The following SH3GL2 variants were observed in gnomAD, a reference collection of about 807,000 sequenced individuals.
SH3GL2 encodes the protein endophilin-A1.
A neutral mutation model predicts 46.0 loss-of-function variants in SH3GL2; 24 were observed. That is an observed-to-expected ratio of 0.52 (90% CI 0.38 to 0.73). SH3GL2 has a LOEUF of 0.73. SH3GL2 is among the 30% of genes least tolerant of loss of function. SH3GL2 has a pLI of 0.00. For missense variants in SH3GL2, 413 were observed against 424.2 expected, an observed-to-expected ratio of 0.97 and a Z score of 0.23; for synonymous variants, 196 against 147.1, an observed-to-expected ratio of 1.33 and a Z score of -2.40.
intron 1 of SH3GL2, among the ~76,000 whole-genome samples, chr9:17,641,753 C>T (rs900853578): frequency 6.6e-5 from 10 of 152,154 alleles, no homozygotes; most frequent in Non-Finnish European, 1.2e-4. Flanking sequence ...ATCCATGTCC[C>T]TGCAAAGGAT....
intron 1 of SH3GL2, among the ~76,000 whole-genome samples, chr9:17,587,148 G>T (rs1284258711): frequency 6.6e-6 from 1 of 152,178 alleles, no homozygotes; most frequent in Non-Finnish European, 1.5e-5. Context: ...GCTACAGTGA[G>T]CCAAGATCAC....
At chr9:17,654,442 A>G (rs988818211) in intron 1 of SH3GL2, among the ~76,000 whole-genome samples, 2 of 152,200 alleles carry the variant, frequency 1.3e-5, no homozygotes, top group African/African-American at 2.4e-5. Flanking sequence ...AAATGTAGCC[A>G]TAGATATGAA....
At chr9:17,749,315 T>C (rs1420976144) in intron 2 of SH3GL2, among the ~76,000 whole-genome samples, 1 of 152,204 alleles carries the variant, frequency 6.6e-6, no homozygotes, top group Non-Finnish European at 1.5e-5. Flanking sequence ...TTTCCAGAAA[T>C]GTCTTGTCTT....
At chr9:17,641,150 T>C (rs553717174) in intron 1 of SH3GL2, among the ~76,000 whole-genome samples, 10 of 152,302 alleles carry the variant, frequency 6.6e-5, no homozygotes, top group South Asian at 2.1e-4. Flanking sequence ...AAGTTTCCAA[T>C]ATTATAAACT....
chr9:17,690,373 C>T (rs892364132), intron 1 of SH3GL2, among the ~76,000 whole-genome samples: 1 of 152,116 alleles, frequency 6.6e-6, no homozygotes, highest in Admixed American at 6.5e-5. Context: ...ATCTCCCTAT[C>T]CACTATCTGA....
chr9:17,691,635 T>G (rs985609608), intron 1 of SH3GL2, among the ~76,000 whole-genome samples: 4 of 152,126 alleles, frequency 2.6e-5, no homozygotes, highest in African/African-American at 4.8e-5. Flanking sequence ...ATCTGCAAAT[T>G]GAGTTGCTTT....
intron 1 of SH3GL2, among the ~76,000 whole-genome samples, chr9:17,584,248 C>T (rs769711698): frequency 6.6e-5 from 10 of 152,172 alleles, no homozygotes; most frequent in African/African-American, 2.4e-4. Flanking sequence ...CTCCTGTAAT[C>T]CCAACACTTT....
intron 1 of SH3GL2, among the ~76,000 whole-genome samples, chr9:17,680,615 G>A (rs1352056367): frequency 6.6e-6 from 1 of 151,848 alleles, no homozygotes; most frequent in East Asian, 1.9e-4. Context: ...AGGGTTTTTT[G>A]TGTCTCTATC....
chr9:17,697,483 A>T (rs543817654), intron 1 of SH3GL2, among the ~76,000 whole-genome samples: 4 of 152,204 alleles, frequency 2.6e-5, no homozygotes, highest in African/African-American at 9.6e-5. Context: ...TGGCCTCCCA[A>T]AGTGCTGGTA....
intron 1 of SH3GL2, among the ~76,000 whole-genome samples, chr9:17,737,293 T>TA (rs1267340603): frequency 6.6e-6 from 1 of 152,062 alleles, no homozygotes; most frequent in Non-Finnish European, 1.5e-5. Context: ...ATGGCACATG[T>TA]ATACCTATGT....
At chr9:17,628,332 A>T (rs1173101924) in intron 1 of SH3GL2, among the ~76,000 whole-genome samples, 1 of 152,018 alleles carries the variant, frequency 6.6e-6, no homozygotes, top group East Asian at 1.9e-4. Flanking sequence ...GAGTAGGAAC[A>T]TTAATCTATT....
chr9:17,681,096 T>C (rs893218069), intron 1 of SH3GL2, among the ~76,000 whole-genome samples: 2 of 152,176 alleles, frequency 1.3e-5, no homozygotes, highest in South Asian at 4.1e-4. Context: ...ACCAAATCTT[T>C]TAACTACCCA....
At chr9:17,754,922 C>T (rs908747752) in intron 2 of SH3GL2, among the ~76,000 whole-genome samples, 7 of 152,032 alleles carry the variant, frequency 4.6e-5, no homozygotes, top group African/African-American at 1.7e-4. Flanking sequence ...AGGATCATGC[C>T]GTCTGCAAAC....
At position 17,676,431 on chromosome 9, in the gene SH3GL2, C is replaced by T. The variant is rs555748048; in HGVS notation, c.46-70635C>T. Among the ~76,000 whole-genome samples the T allele has an allele frequency of 7.9e-5, 12 of 152,196 alleles. No homozygotes were observed. The East Asian group carries it at 2.3e-3, about 29-fold the overall frequency. ...GACCAGCCTAGCCAACAGGGTGAAACCCTGTCTCTACTGAAAATACTAAAA... is the reference window on the plus strand; with the variant it reads ...GACCAGCCTAGCCAACAGGGTGAAATCCTGTCTCTACTGAAAATACTAAAA... On this transcript the variant is annotated intron_variant, in intron 1 of 8. Coordinates refer to ENST00000380607, the MANE Select transcript of SH3GL2 (RefSeq NM_003026.5).
intron 1 of SH3GL2, among the ~76,000 whole-genome samples, chr9:17,651,514 C>G (rs1185190195): frequency 6.6e-6 from 1 of 152,164 alleles, no homozygotes; most frequent in East Asian, 1.9e-4. Flanking sequence ...CAGAGGAATA[C>G]TCTTCACTTT....
chr9:17,735,704 A>G (rs980578039), intron 1 of SH3GL2: 7 of 899,516 alleles, frequency 7.8e-6, no homozygotes, highest in Non-Finnish European at 9.3e-6. Context: ...CTGAGGGACA[A>G]CTCTGTTGGC....
At chr9:17,662,917 G>A (rs1030684154) in intron 1 of SH3GL2, among the ~76,000 whole-genome samples, 1 of 152,072 alleles carries the variant, frequency 6.6e-6, no homozygotes, top group Non-Finnish European at 1.5e-5. Flanking sequence ...TGCCATGTTG[G>A]CCAGGCTGGT....
At chr9:17,639,107 A>G (rs562253679) in intron 1 of SH3GL2, among the ~76,000 whole-genome samples, 13 of 152,338 alleles carry the variant, frequency 8.5e-5, no homozygotes, top group African/African-American at 3.1e-4. Flanking sequence ...AAATTGTAAG[A>G]TTTGAAATGA....
At position 17,760,466 on chromosome 9, in the gene SH3GL2, T is replaced by C. The variant is rs1027377102; in HGVS notation, c.115-971T>C. ...GGTATATATTGGTATATACTGATAT[T>C]ATACTGGTATATACTGATATTATAT... On this transcript the variant is annotated intron_variant, in intron 2 of 8. Coordinates refer to ENST00000380607, the MANE Select transcript of SH3GL2 (RefSeq NM_003026.5). 2.6e-5 allele frequency among the ~76,000 whole-genome samples: 4 copies of C among 152,120 alleles called. No individual in the cohort carries two copies. The East Asian group carries it at 5.8e-4, about 22-fold the overall frequency.
Sources: allele counts gnomAD v4.1 joint callset (sites outside exome capture counted in the v4.1 genomes callset), GRCh38; gene constraint gnomAD v4.1.1; transcripts MANE v1.5; gene names NCBI Gene and HGNC (gene_info 2026-07-23, HGNC 2026-07-21).